CUL3: variants seen among roughly 807,000 people sequenced by gnomAD.
CUL3 encodes cullin 3.
In CUL3, 19 loss-of-function variants were observed where a neutral mutation model predicts 89.1. The observed-to-expected ratio is 0.21, with a 90% CI of 0.15 to 0.31. The LOEUF (loss-of-function observed/expected upper bound fraction) is 0.31, where lower values mean the gene tolerates loss of function less well. CUL3 is among the 10% of genes least tolerant of loss of function. The pLI is 1.00. For missense variants in CUL3, 469 were observed against 942.3 expected, an observed-to-expected ratio of 0.50 and a Z score of 6.58; for synonymous variants, 351 against 308.4, an observed-to-expected ratio of 1.14 and a Z score of -1.45.
chr2:224,474,008 C>T lies in CUL3; in HGVS notation c.*237G>A. The T allele has an allele frequency of 3.0e-6, 1 of 334,288 alleles. No homozygotes were observed. The highest frequency in any genetic ancestry group is 4.4e-5 in the East Asian group (1 of 22,840). 20.7% of individuals were successfully genotyped at this position (334,288 alleles called of 1,614,324 possible). On this transcript the variant is annotated 3_prime_UTR_variant, in exon 16 of 16. Coordinates refer to ENST00000264414, the MANE Select transcript of CUL3 (RefSeq NM_003590.5). ...AAGAAAACAAAACGCAGCACATTCA[C>T]ATTTTCCCGAGGAACTGTAAAGATG...
chr2:224,543,801 T>G (rs903519822), intron 2 of CUL3, among the ~76,000 whole-genome samples: 3 of 152,050 alleles, frequency 2.0e-5, no homozygotes, highest in Admixed American at 1.3e-4. Context: ...CTGGACAACA[T>G]GGCAAAACCT....
In CUL3 at chr2:224,471,736, TTAAA is replaced by T. The variant is rs768228838; in HGVS notation, c.*2505_*2508del. Reference sequence around the variant, plus strand: ...CCTAATTGCAATGAATTTTCAGTCTTTAAATAATGTTAACGATTCAAAATAAACA... The same window carrying T: ...CCTAATTGCAATGAATTTTCAGTCTTTAATGTTAACGATTCAAAATAAACA... On this transcript the variant is annotated 3_prime_UTR_variant, in exon 16 of 16. Coordinates refer to ENST00000264414, the MANE Select transcript of CUL3 (RefSeq NM_003590.5). 5.8e-5 allele frequency: 13 copies of T among 224,586 alleles called. No homozygotes were observed. In the East Asian group the frequency reaches 7.8e-4, roughly 13 times the overall value. 13.9% of individuals were successfully genotyped at this position (224,586 alleles called of 1,614,324 possible).
intron 3 of CUL3, among the ~76,000 whole-genome samples, chr2:224,521,401 T>C (rs770588910): frequency 1.3e-5 from 2 of 152,056 alleles, no homozygotes; most frequent in Non-Finnish European, 2.9e-5. Flanking sequence ...TTTAATAACA[T>C]GTTTGCTTTA....
chr2:224,484,536 A>C (rs1472126258), intron 13 of CUL3, among the ~76,000 whole-genome samples: 1 of 152,064 alleles, frequency 6.6e-6, no homozygotes. Context: ...GTCTATTTTT[A>C]ACTTAATGTA....
intron 10 of CUL3, among the ~76,000 whole-genome samples, chr2:224,500,794 T>C (rs1186701974): frequency 1.3e-5 from 2 of 152,006 alleles, no homozygotes; most frequent in African/African-American, 4.8e-5. Flanking sequence ...CTGGCTGATT[T>C]TGTATTTTTA....
intron 1 of CUL3, among the ~76,000 whole-genome samples, chr2:224,569,534 C>T (rs1426502259): frequency 6.6e-6 from 1 of 152,100 alleles, no homozygotes; most frequent in Non-Finnish European, 1.5e-5. Flanking sequence ...TTACAATTTT[C>T]CCATCAGAAA....
At chr2:224,564,316 G>C (rs367685939) in intron 1 of CUL3, among the ~76,000 whole-genome samples, 133 of 152,196 alleles carry the variant, frequency 8.7e-4, no homozygotes, top group African/African-American at 3.1e-3. Context: ...TTCTATCCAC[G>C]AAACTGTGGA....
intron 2 of CUL3, among the ~76,000 whole-genome samples, chr2:224,543,977 C>A (rs1259087118): frequency 1.3e-5 from 2 of 151,920 alleles, no homozygotes; most frequent in Non-Finnish European, 2.9e-5. Context: ...AGAGTGAGAC[C>A]CCTCCCATTT....
At chr2:224,523,719 C>T (rs942122574) in intron 3 of CUL3, among the ~76,000 whole-genome samples, 3 of 152,140 alleles carry the variant, frequency 2.0e-5, no homozygotes, top group African/African-American at 2.4e-5. Context: ...ACATAGAATG[C>T]GGTATTATGC....
At chr2:224,505,844 A>G (rs1248603640) in intron 8 of CUL3, 112 bp downstream of exon 8, 1 of 636,194 alleles carries the variant, frequency 1.6e-6, no homozygotes, top group Non-Finnish European at 2.4e-6. Flanking sequence ...CACCCATTTA[A>G]GCACAGCAAT....
At chr2:224,512,752 A>C (rs1249068630) in intron 5 of CUL3, among the ~76,000 whole-genome samples, 1 of 152,230 alleles carries the variant, frequency 6.6e-6, no homozygotes, top group Non-Finnish European at 1.5e-5. Context: ...AAAAGCCTGC[A>C]GATGAGACTT....
Position 224,516,314 on chromosome 2 carries a change from T to C in CUL3, c.379-1542A>G, listed in dbSNP as rs1006718353. Among the ~76,000 whole-genome samples, 5 of 148,096 alleles carry C rather than the reference T, an allele frequency of 3.4e-5. No homozygotes were observed. The Admixed American group carries it at 3.4e-4, about 10-fold the overall frequency. On this transcript the variant is annotated intron_variant, in intron 3 of 15. Coordinates refer to ENST00000264414, the MANE Select transcript of CUL3 (RefSeq NM_003590.5). ...CTCTGACCACGTCCCTCCTTTTTTG[T>C]TTGCTTTTTTTTTTTTTTTTTGATA...
chr2:224,477,317 T>C (rs556586293), intron 15 of CUL3, among the ~76,000 whole-genome samples: 2 of 152,318 alleles, frequency 1.3e-5, no homozygotes, highest in Non-Finnish European at 2.9e-5. Context: ...AAGGTAGCTG[T>C]TCCAAGAACC....
intron 1 of CUL3, among the ~76,000 whole-genome samples, chr2:224,570,094 C>A (rs1180564310): frequency 2.0e-5 from 3 of 151,590 alleles, no homozygotes; most frequent in Admixed American, 6.6e-5. Flanking sequence ...TAGATAAGGT[C>A]TTTATGTTAT....
At chr2:224,530,691 G>A (rs1329094261) in intron 3 of CUL3, among the ~76,000 whole-genome samples, 4 of 152,164 alleles carry the variant, frequency 2.6e-5, no homozygotes, top group Middle Eastern at 6.8e-3. Flanking sequence ...TAGATCACTT[G>A]AGCCCAGGAG....
At chr2:224,500,309 T>C in intron 11 of CUL3, 54 bp downstream of exon 11, 1 of 1,581,024 alleles carries the variant, frequency 6.3e-7, no homozygotes, top group South Asian at 1.1e-5. Flanking sequence ...AAATTCATTT[T>C]TAATTTTGAA....
At chr2:224,540,059 CTTT>C (rs34875800) in intron 2 of CUL3, among the ~76,000 whole-genome samples, 247 of 139,990 alleles carry the variant, frequency 1.8e-3, no homozygotes, top group African/African-American at 3.8e-3. Context: ...CATCCTCCAC[CTTT>C]TTTTTTTTTT....
At chr2:224,492,273 TAA>T (rs1292265659) in intron 13 of CUL3, among the ~76,000 whole-genome samples, 1 of 152,188 alleles carries the variant, frequency 6.6e-6, no homozygotes, top group Non-Finnish European at 1.5e-5. Flanking sequence ...AATAAATTTG[TAA>T]GGAATTTCCA....
At chr2:224,506,315 G>A (rs1161610185) in intron 7 of CUL3, among the ~76,000 whole-genome samples, 183 bp from the exon 8 acceptor site, 1 of 151,938 alleles carries the variant, frequency 6.6e-6, no homozygotes, top group Non-Finnish European at 1.5e-5. Context: ...GTCAATGAGA[G>A]AAGTATTATA....
Sources: gnomAD v4.1 joint callset for allele counts (sites outside exome capture counted in the v4.1 genomes callset) on GRCh38, gnomAD v4.1.1 for gene constraint, MANE v1.5 for transcripts, NCBI Gene and HGNC (gene_info 2026-07-23, HGNC 2026-07-21) for gene names.